The following BAZ2B variants were observed in gnomAD, a reference collection of about 807,000 sequenced individuals.
BAZ2B encodes the protein bromodomain adjacent to zinc finger domain protein 2B.
BAZ2B carries 91 observed loss-of-function variants against 246.0 expected under a neutral mutation model. The ratio of observed to expected loss-of-function variants is 0.37; its 90% CI spans 0.31 to 0.44. The LOEUF (loss-of-function observed/expected upper bound fraction) is 0.44, where lower values mean the gene tolerates loss of function less well. BAZ2B is among the 20% of genes least tolerant of loss of function. The pLI is 1.00. For synonymous variants in BAZ2B, 855 were observed against 860.0 expected, an observed-to-expected ratio of 0.99 and a Z score of 0.10; for missense variants, 2,332 against 2,533.7, an observed-to-expected ratio of 0.92 and a Z score of 1.71.
At chr2:159,479,919 C>T (rs140904397) in intron 2 of BAZ2B, among the ~76,000 whole-genome samples, 1 of 152,238 alleles carries the variant, frequency 6.6e-6, no homozygotes, top group African/African-American at 2.4e-5. Context: ...GACAGTACTG[C>T]TATGATGAGT....
chr2:159,615,861 C>G (rs1056243267), intron 1 of BAZ2B: 4 of 152,504 alleles, frequency 2.6e-5, no homozygotes, highest in Admixed American at 2.6e-4. Flanking sequence ...AGCGCCTGCC[C>G]GGCCGGGAGC....
intron 1 of BAZ2B, among the ~76,000 whole-genome samples, chr2:159,578,421 A>G (rs1254059084): frequency 7.4e-6 from 1 of 134,832 alleles, no homozygotes; most frequent in Non-Finnish European, 1.5e-5. Context: ...AACAGAAAAT[A>G]CTTCTGTATA....
intron 18 of BAZ2B, among the ~76,000 whole-genome samples, chr2:159,397,656 C>T (rs1418282052): frequency 1.3e-5 from 2 of 152,026 alleles, no homozygotes; most frequent in African/African-American, 4.8e-5. Context: ...TAAAATTTAA[C>T]GAATGACTGA....
At position 159,356,010 on chromosome 2, in the gene BAZ2B, T is replaced by C. The variant is rs1449338503; in HGVS notation, c.4214-5653A>G. 2.0e-5 allele frequency among the ~76,000 whole-genome samples: 3 copies of C among 152,346 alleles called. No individual in the cohort carries two copies. The East Asian group carries it at 5.8e-4, about 29-fold the overall frequency. On this transcript the variant is annotated intron_variant, in intron 27 of 36. Coordinates refer to ENST00000392783, the MANE Select transcript of BAZ2B (RefSeq NM_013450.4). ...GTAACCCACAGACCAGGAGATTGCCTCCGGTGCCTATGCCACCAGGGTCCT... is the reference window on the plus strand; with the variant it reads ...GTAACCCACAGACCAGGAGATTGCCCCCGGTGCCTATGCCACCAGGGTCCT...
intron 2 of BAZ2B, among the ~76,000 whole-genome samples, chr2:159,521,700 C>T (rs958502003): frequency 2.6e-5 from 4 of 152,000 alleles, no homozygotes; most frequent in Admixed American, 6.6e-5. Flanking sequence ...TTATTCATCA[C>T]ATTTATTTTC....
chr2:159,612,055 A>G (rs1694822862), intron 1 of BAZ2B, among the ~76,000 whole-genome samples: 1 of 152,012 alleles, frequency 6.6e-6, no homozygotes, highest in African/African-American at 2.4e-5. Flanking sequence ...GAAACTATCA[A>G]TAAAAGTTAT....
chr2:159,351,972 T>C (rs1418657388), intron 27 of BAZ2B, among the ~76,000 whole-genome samples: 1 of 152,214 alleles, frequency 6.6e-6, no homozygotes, highest in Non-Finnish European at 1.5e-5. Context: ...AGAAATAGTA[T>C]ATACGTTATC....
rs80028072 is a variant in BAZ2B, at chr2:159,466,399, A to G, written c.145+12176T>C. 2.1e-3 allele frequency among the ~76,000 whole-genome samples: 323 copies of G among 152,272 alleles called. 10 individuals are homozygous for G. In the East Asian group the frequency reaches 0.055, roughly 26 times the overall value. ...TTCCTTTCTTCAATAATTGTTTCTT[A>G]TTATTATATATTTTGTGTCAGGCAC... On this transcript the variant is annotated intron_variant, in intron 3 of 36. Transcript: ENST00000392783.
intron 2 of BAZ2B, among the ~76,000 whole-genome samples, chr2:159,523,216 AATAGTGAG>A (rs2084332994): frequency 2.0e-5 from 3 of 152,016 alleles, no homozygotes; most frequent in Non-Finnish European, 4.4e-5. Context: ...CAGCCTGGGT[AATAGTGAG>A]ACCTGGTCTC....
intron 5 of BAZ2B, 73 bp from the exon 6 acceptor site, chr2:159,447,048 T>C (rs1318947599): frequency 6.5e-6 from 7 of 1,081,276 alleles, no homozygotes; most frequent in South Asian, 2.2e-5. Flanking sequence ...TACAGATATA[T>C]GTACAGTTGG....
At chr2:159,686,830 C>T in the BAZ2B span, among the ~76,000 whole-genome samples, 2 of 152,054 alleles carry the variant, frequency 1.3e-5, no homozygotes, top group African/African-American at 4.8e-5. Context: ...ATCACAAGGT[C>T]AGGAGATCGA....
chr2:159,367,612 A>G (rs897891052), intron 27 of BAZ2B, among the ~76,000 whole-genome samples: 1 of 152,160 alleles, frequency 6.6e-6, no homozygotes, highest in Non-Finnish European at 1.5e-5. Flanking sequence ...GCAGCTGGGC[A>G]CAGTGGCTCA....
chr2:159,440,657 A>G (rs576897126), intron 6 of BAZ2B, among the ~76,000 whole-genome samples: 4 of 151,920 alleles, frequency 2.6e-5, no homozygotes, highest in Admixed American at 6.6e-5. Context: ...CTGGGATTAC[A>G]GGCGCCTGCC....
At chr2:159,575,742 ATG>A (rs1292307603) in intron 1 of BAZ2B, among the ~76,000 whole-genome samples, 1 of 152,210 alleles carries the variant, frequency 6.6e-6, no homozygotes, top group Non-Finnish European at 1.5e-5. Flanking sequence ...GCATGATTAT[ATG>A]TACTCCATTA....
chr2:159,399,924 C>A (rs1294550967), intron 17 of BAZ2B, among the ~76,000 whole-genome samples: 1 of 152,192 alleles, frequency 6.6e-6, no homozygotes, highest in Non-Finnish European at 1.5e-5. Context: ...CTCAGGGCAA[C>A]TATTTTCAAC....
chr2:159,639,779 G>A, the BAZ2B span, among the ~76,000 whole-genome samples: 1 of 151,806 alleles, frequency 6.6e-6, no homozygotes, highest in African/African-American at 2.4e-5. Context: ...AGAAGGAGGA[G>A]AAGACCACAA....
intron 2 of BAZ2B, among the ~76,000 whole-genome samples, chr2:159,498,616 A>G (rs1387818689): frequency 1.3e-5 from 2 of 152,194 alleles, no homozygotes; most frequent in African/African-American, 2.4e-5. Flanking sequence ...TTCAGACTAT[A>G]ACAGTGCATT....
intron 6 of BAZ2B, among the ~76,000 whole-genome samples, 170 bp from the exon 7 acceptor site, chr2:159,439,382 C>T (rs144211764): frequency 1.2e-4 from 19 of 152,286 alleles, no homozygotes; most frequent in African/African-American, 4.3e-4. Flanking sequence ...ATCAACTTAA[C>T]TTACATGACA....
At chr2:159,422,141 T>C (rs898192500) in intron 13 of BAZ2B, among the ~76,000 whole-genome samples, 4 of 152,148 alleles carry the variant, frequency 2.6e-5, no homozygotes, top group African/African-American at 9.7e-5. Flanking sequence ...ATAGGAAGAA[T>C]CAATATTGTC....
Sources: gnomAD v4.1 joint callset for allele counts (sites outside exome capture counted in the v4.1 genomes callset) on GRCh38, gnomAD v4.1.1 for gene constraint, MANE v1.5 for transcripts, NCBI Gene and HGNC (gene_info 2026-07-23, HGNC 2026-07-21) for gene names.